Variants in GPN1 observed in about 807,000 individuals in gnomAD.
GPN1 encodes the protein GPN-loop GTPase 1, also known as ATP(GTP)-binding protein.
A neutral mutation model predicts 55.9 loss-of-function variants in GPN1; 44 were observed. The observed-to-expected ratio is 0.79, with a 90% CI of 0.62 to 1.01. GPN1 has a LOEUF of 1.01. GPN1 is among the 50% of genes least tolerant of loss of function. The probability of loss-of-function intolerance (pLI) is 0.00; values close to 1 mark genes in which losing one functional copy is unlikely to be tolerated. For synonymous variants in GPN1, 179 were observed against 162.5 expected, an observed-to-expected ratio of 1.10 and a Z score of -0.77; for missense variants, 466 against 462.8, an observed-to-expected ratio of 1.01 and a Z score of -0.06.
At chr2:27,631,932 G>A in intron 4 of GPN1, 32 bp downstream of exon 4, 1 of 1,242,274 alleles carries the variant, frequency 8.0e-7, no homozygotes. Context: ...TAATATGGTT[G>A]TGTAAAAATC....
chr2:27,645,052 C>T (rs1674158128), intron 12 of GPN1, among the ~76,000 whole-genome samples: 1 of 152,094 alleles, frequency 6.6e-6, no homozygotes, highest in African/African-American at 2.4e-5. Flanking sequence ...CCTGCAGCCT[C>T]GAACTACTGG....
chr2:27,648,022 T>A, intron 13 of GPN1, 79 bp downstream of exon 13: 1 of 800,512 alleles, frequency 1.2e-6, no homozygotes, highest in Non-Finnish European at 2.2e-6. Flanking sequence ...TTTCTTGCTT[T>A]AAGCGTGTAG....
chr2:27,628,280 A>G, upstream of GPN1: 1 of 1,023,204 alleles, frequency 9.8e-7, no homozygotes, highest in Non-Finnish European at 1.4e-6. Flanking sequence ...ACAGAAACAG[A>G]CTGGGTGGTC....
chr2:27,628,302 T>C, upstream of GPN1: 2 of 1,255,740 alleles, frequency 1.6e-6, no homozygotes, highest in Non-Finnish European at 2.2e-6. Flanking sequence ...GGAGTAGAAA[T>C]AATTTTCTAG....
intron 10 of GPN1, among the ~76,000 whole-genome samples, chr2:27,640,333 A>T (rs1673889069): frequency 6.6e-6 from 1 of 152,184 alleles, no homozygotes; most frequent in African/African-American, 2.4e-5. Context: ...TCTTCATTGT[A>T]TTGAGTGATT....
intron 12 of GPN1, among the ~76,000 whole-genome samples, chr2:27,646,049 T>C (rs898100797): frequency 2.7e-5 from 4 of 149,956 alleles, no homozygotes; most frequent in Non-Finnish European, 4.4e-5. Flanking sequence ...TGTATGTATG[T>C]ATTTATTTTT....
At chr2:27,632,280 C>T (rs1321087511) in intron 4 of GPN1, among the ~76,000 whole-genome samples, 2 of 152,142 alleles carry the variant, frequency 1.3e-5, no homozygotes, top group Non-Finnish European at 2.9e-5. Context: ...TTCTTTGTCA[C>T]CTACTTCCAT....
At chr2:27,641,072 A>G (rs1393502349) in intron 10 of GPN1, among the ~76,000 whole-genome samples, 168 bp from the exon 11 acceptor site, 2 of 152,074 alleles carry the variant, frequency 1.3e-5, no homozygotes, top group Non-Finnish European at 2.9e-5. Context: ...TTGGCTTTTA[A>G]TTCCATTGGG....
At chr2:27,634,794 C>T in intron 5 of GPN1, 52 bp from the exon 6 acceptor site, 1 of 988,268 alleles carries the variant, frequency 1.0e-6, no homozygotes, top group Non-Finnish European at 1.6e-6. Flanking sequence ...GATGGAATAT[C>T]CTTCAGCATA....
intron 12 of GPN1, among the ~76,000 whole-genome samples, chr2:27,646,548 T>C (rs1223492123): frequency 6.6e-6 from 1 of 152,160 alleles, no homozygotes; most frequent in Admixed American, 6.5e-5. Flanking sequence ...TTTAGGTTAG[T>C]TTTCATTTAC....
upstream of GPN1, chr2:27,628,948 A>G: frequency 6.5e-7 from 1 of 1,549,358 alleles, no homozygotes; most frequent in Non-Finnish European, 8.7e-7. Context: ...CGCGCCCCTC[A>G]CCCGCTCCTT....
upstream of GPN1, chr2:27,628,507 C>A (rs764309395): frequency 1.3e-6 from 2 of 1,551,482 alleles, no homozygotes; most frequent in Non-Finnish European, 1.7e-6. Flanking sequence ...CTCGCGGGAA[C>A]AATGTGCAAG....
intron 7 of GPN1, among the ~76,000 whole-genome samples, chr2:27,636,480 ATTATTTAT>A (rs930417172): frequency 3.3e-5 from 5 of 151,986 alleles, no homozygotes; most frequent in South Asian, 4.1e-4. Context: ...TTTCATATTA[ATTATTTAT>A]TTATTTATTT....
chr2:27,634,767 T>A, intron 5 of GPN1, 79 bp from the exon 6 acceptor site: 1 of 857,412 alleles, frequency 1.2e-6, no homozygotes, highest in Non-Finnish European at 2.0e-6. Flanking sequence ...GATAACCAGA[T>A]GTTTATTGTC....
chr2:27,629,113 C>T lies in GPN1; in HGVS notation c.55C>T (p.Pro19Ser), dbSNP rs140581189. The T allele has an allele frequency of 5.7e-4, 915 of 1,614,182 alleles. 7 individuals carry two copies. In the African/African-American group the frequency reaches 0.011, roughly 19 times the overall value. Residue 19 changes from proline to serine, a missense_variant, in exon 1 of 14, where the codon CCA becomes TCA. Pro to Ser is a moderately conservative substitution (Grantham distance 74). Transcript: ENST00000610189. ...ELQASGGPRH[P>S]VCLLVLGMAG... ...CCAGGCTTCTGGGGGTCCGCGGCAC[C>T]CAGTGTGTCTGTTGGTGTTGGGAAT...
intron 7 of GPN1, among the ~76,000 whole-genome samples, chr2:27,636,255 C>T (rs1299827392): frequency 2.0e-5 from 3 of 152,108 alleles, no homozygotes; most frequent in Non-Finnish European, 4.4e-5. Flanking sequence ...AATGTGGCAC[C>T]ATTAGCAGAG....
rs1356284142 is a variant in GPN1 at position 27,640,065 on chromosome 2, T to C, written c.740T>C (p.Leu247Pro). 12 of 1,612,606 alleles carry C rather than the reference T, an allele frequency of 7.4e-6. No individual in the cohort carries two copies. In the South Asian group the frequency reaches 1.1e-4, roughly 15 times the overall value. Residue 247 changes from leucine (L) to proline (P), a missense_variant, in exon 10 of 14, where the codon CTG becomes CCG. Transcript: ENST00000610189. The part of the protein sequence containing the change: ...SLRVVGVSAV[L>P]GTGLDELFVQ... Reference sequence around the variant, plus strand: ...CAGGTGGTGGGTGTCTCTGCTGTTCTGGGTACTGGATTAGATGAACTCTTT... The same window carrying C: ...CAGGTGGTGGGTGTCTCTGCTGTTCCGGGTACTGGATTAGATGAACTCTTT...
At position 27,635,036 on chromosome 2, in the gene GPN1, C is replaced by T. The variant is rs1039653711; in HGVS notation, c.430-104C>T. On this transcript the variant is annotated intron_variant, in intron 6 of 13. Coordinates refer to ENST00000610189, the MANE Select transcript of GPN1 (RefSeq NM_007266.4). ...GGGAGGAAGTTGTAGAAGCTCTGCA[C>T]ACCCTGCCTAAAGTGGTTTTCCCTT... 2.9e-5 allele frequency: 28 copies of T among 951,872 alleles called. No homozygotes were observed. In the Admixed American group the frequency reaches 4.3e-4, roughly 15 times the overall value. The allele number at this position is 951,872 out of a possible 1,614,324, so 59.0% of individuals were successfully genotyped here. A position where few individuals can be genotyped will look rare whatever the true frequency, so the allele number is the denominator to read the frequency against.
In GPN1 at chr2:27,647,839, G is replaced by A; in HGVS notation, c.935G>A (p.Ser312Asn). ...VALDAGTAKD[S>N]LSPVLHPSDL... Reference sequence around the variant, plus strand: ...CTGATAGGTGTTTTCACTGTAGACAGCTTATCTCCTGTGCTGCACCCTTCT... The same window carrying A: ...CTGATAGGTGTTTTCACTGTAGACAACTTATCTCCTGTGCTGCACCCTTCT... Residue 312 changes from serine to asparagine, a missense_variant, in exon 13 of 14, where the codon AGC (serine) becomes AAC (asparagine). By Grantham distance (46) the Ser-to-Asn change is conservative. Transcript: ENST00000610189. 1 of 1,601,010 alleles carries A rather than the reference G, an allele frequency of 6.2e-7. No homozygotes were observed. The highest frequency in any genetic ancestry group is 8.6e-7 in the Non-Finnish European group (1 of 1,168,184).
Sources: gnomAD v4.1 joint callset for allele counts (sites outside exome capture counted in the v4.1 genomes callset) on GRCh38, gnomAD v4.1.1 for gene constraint, MANE v1.5 for transcripts, NCBI Gene and HGNC (gene_info 2026-07-23, HGNC 2026-07-21) for gene names.